The following ETV7 variants were observed in gnomAD, a reference collection of about 807,000 sequenced individuals.
The protein encoded by ETV7 is transcription factor ETV7.
A neutral mutation model predicts 39.1 loss-of-function variants in ETV7; 43 were observed. The observed-to-expected ratio is 1.10, with a 90% confidence interval of 0.86 to 1.42. ETV7 has a LOEUF of 1.42. ETV7 is among the 40% of genes most tolerant of loss of function. ETV7 has a pLI of 0.00. For missense variants in ETV7, 432 were observed against 442.3 expected (o/e 0.98, Z 0.21); for synonymous variants, 196 against 176.6 (o/e 1.11, Z -0.87).
At chr6:36,371,975 G>A (rs909381003) in intron 4 of ETV7, among the ~76,000 whole-genome samples, 2 of 152,182 alleles carry the variant, frequency 1.3e-5, no homozygotes, top group African/African-American at 2.4e-5. Context: ...TGCCCTCAGG[G>A]AGCTTATATG....
chr6:36,363,260 G>T (rs1301718451), downstream of ETV7, among the ~76,000 whole-genome samples: 1 of 152,164 alleles, frequency 6.6e-6, no homozygotes, highest in South Asian at 2.1e-4. Context: ...GTTCCGACGT[G>T]TTCAGAGTTT....
downstream of ETV7, among the ~76,000 whole-genome samples, chr6:36,362,595 T>C (rs975754110): frequency 6.6e-6 from 1 of 152,166 alleles, no homozygotes; most frequent in Non-Finnish European, 1.5e-5. Flanking sequence ...AGGTACTCAA[T>C]TGATGTTTGT....
chr6:36,376,734 C>T (rs1187876985), intron 2 of ETV7, among the ~76,000 whole-genome samples: 4 of 148,136 alleles, frequency 2.7e-5, no homozygotes, highest in Non-Finnish European at 3.0e-5. Context: ...CGAGATCATG[C>T]GACTGCACTC....
intron 5 of ETV7, among the ~76,000 whole-genome samples, chr6:36,369,791 G>A (rs1457913288): frequency 6.6e-6 from 1 of 152,114 alleles, no homozygotes; most frequent in Non-Finnish European, 1.5e-5. Flanking sequence ...GAAGAATTCA[G>A]TAATTGCAAG....
chr6:36,354,612 T>C, exon 8 of ETV7: 2 of 692,360 alleles, frequency 2.9e-6, no homozygotes, highest in Non-Finnish European at 5.2e-6. Context: ...ACTTTGTTTT[T>C]CTTTCCAAGA....
chr6:36,372,389 G>A (rs1378505214), intron 4 of ETV7, among the ~76,000 whole-genome samples: 1 of 152,126 alleles, frequency 6.6e-6, no homozygotes, highest in Admixed American at 6.5e-5. Context: ...TGGACTCCGA[G>A]TGAGAAGGGA....
chr6:36,382,815 A>G (rs1042727861), intron 2 of ETV7, among the ~76,000 whole-genome samples: 3 of 152,214 alleles, frequency 2.0e-5, no homozygotes, highest in African/African-American at 7.2e-5. Flanking sequence ...AACACAAAGA[A>G]GTCTCATTTC....
At chr6:36,365,522 C>T (rs1033073476), downstream of ETV7, among the ~76,000 whole-genome samples, 3 of 152,154 alleles carry the variant, frequency 2.0e-5, no homozygotes, top group Admixed American at 2.0e-4. Flanking sequence ...GCCCAAAGTC[C>T]CACAGCAGAT....
chr6:36,360,490 G>A (rs895101357), intron 7 of ETV7, among the ~76,000 whole-genome samples: 1 of 151,802 alleles, frequency 6.6e-6, no homozygotes, highest in Non-Finnish European at 1.5e-5. Context: ...TACTTACTTT[G>A]CCCCCTGGAG....
chr6:36,360,114 A>G (rs899516099), intron 7 of ETV7, among the ~76,000 whole-genome samples: 5 of 152,132 alleles, frequency 3.3e-5, no homozygotes, highest in Admixed American at 3.3e-4. Flanking sequence ...GATGGTCTCG[A>G]TTTCTTGACC....
At chr6:36,358,357 G>GA (rs1390651419) in intron 7 of ETV7, among the ~76,000 whole-genome samples, 1 of 152,214 alleles carries the variant, frequency 6.6e-6, no homozygotes, top group African/African-American at 2.4e-5. Context: ...CTCTAGTTCA[G>GA]GTCTCCTGCT....
intron 2 of ETV7, among the ~76,000 whole-genome samples, chr6:36,377,790 G>C (rs1773450323): frequency 6.6e-6 from 1 of 152,192 alleles, no homozygotes; most frequent in South Asian, 2.1e-4. Flanking sequence ...TGGCAGGAGG[G>C]AGGAGCCCCA....
chr6:36,370,582 G>C (rs891627367), intron 5 of ETV7, among the ~76,000 whole-genome samples: 2 of 152,136 alleles, frequency 1.3e-5, no homozygotes, highest in Non-Finnish European at 1.5e-5. Context: ...CAAGTACTAT[G>C]CTGAGTACCT....
At chr6:36,360,742 T>C (rs1772466459) in intron 7 of ETV7, among the ~76,000 whole-genome samples, 1 of 152,094 alleles carries the variant, frequency 6.6e-6, no homozygotes, top group Non-Finnish European at 1.5e-5. Flanking sequence ...CAGAATCCCA[T>C]TTCCCGTGCA....
At position 36,375,928 on chromosome 6, in the gene ETV7, C is replaced by T. The variant is rs115447117; in HGVS notation, c.250G>A (p.Gly84Arg). Residue 84 changes from glycine (G) to arginine (R), a missense_variant, in exon 3 of 8, where the codon GGA becomes AGA. Coordinates refer to ENST00000340181, the MANE Select transcript of ETV7 (RefSeq NM_016135.4). ...CTAEHGFEMNGRALCILTKDD... is the reference protein window; with the variant it reads ...CTAEHGFEMNRRALCILTKDD... ...TTGGTGAGGATGCAGAGGGCGCGTC[C>T]GTTCATCTCGAACCCGTGCTCCGCG... The T allele has an allele frequency of 4.6e-5, 74 of 1,613,972 alleles. No individual in the cohort carries two copies. The highest frequency in any genetic ancestry group is 1.6e-4 in the Middle Eastern group (1 of 6,062).
downstream of ETV7, among the ~76,000 whole-genome samples, chr6:36,362,317 A>G (rs1262507924): frequency 6.6e-6 from 1 of 150,532 alleles, no homozygotes; most frequent in Non-Finnish European, 1.5e-5. Flanking sequence ...AAAAAAAATT[A>G]GCTGGTGTGG....
intron 3 of ETV7, among the ~76,000 whole-genome samples, chr6:36,374,356 C>CA (rs34244110): frequency 0.2 from 29,009 of 143,394 alleles, 2,868 homozygotes; most frequent in East Asian, 0.23. Flanking sequence ...GACCCTGTCT[C>CA]AAAAAAAAAA....
intron 7 of ETV7, among the ~76,000 whole-genome samples, chr6:36,358,148 T>TA (rs1322870658): frequency 2.0e-5 from 3 of 152,196 alleles, no homozygotes; most frequent in African/African-American, 7.2e-5. Flanking sequence ...CTCTAACTGA[T>TA]ACAGTAGCTG....
At chr6:36,362,738 G>T (rs1772541573), downstream of ETV7, among the ~76,000 whole-genome samples, 1 of 152,180 alleles carries the variant, frequency 6.6e-6, no homozygotes, top group Admixed American at 6.5e-5. Context: ...TCCGGAGTCG[G>T]GATCTCTGGC....
Sources: allele counts gnomAD v4.1 joint callset (sites outside exome capture counted in the v4.1 genomes callset), GRCh38; gene constraint gnomAD v4.1.1; transcripts MANE v1.5; gene names NCBI Gene and HGNC (gene_info 2026-07-23, HGNC 2026-07-21).